ASAH2: variants seen among roughly 807,000 people sequenced by gnomAD.
ASAH2 encodes N-acylsphingosine amidohydrolase 2.
In ASAH2, 58 loss-of-function variants were observed where a neutral mutation model predicts 82.9. That is an observed-to-expected ratio of 0.70 (90% CI 0.57 to 0.87). The LOEUF is 0.87. ASAH2 is among the 40% of genes least tolerant of loss of function. The pLI, the probability that ASAH2 is intolerant of heterozygous loss-of-function variation, is 0.00. For missense variants in ASAH2, 779 were observed against 834.0 expected, an observed-to-expected ratio of 0.93 and a Z score of 0.81; for synonymous variants, 276 against 289.7, an observed-to-expected ratio of 0.95 and a Z score of 0.48.
chr10:50,218,669 C>T (rs778155351), intron 7 of ASAH2, 39 bp from the exon 8 acceptor site: 11 of 1,613,242 alleles, frequency 6.8e-6, no homozygotes, highest in Admixed American at 3.3e-5. Context: ...ATCAGGAGAA[C>T]GAGAGAACTG....
intron 12 of ASAH2, among the ~76,000 whole-genome samples, chr10:50,208,978 C>G (rs899086767): frequency 6.6e-6 from 1 of 152,102 alleles, no homozygotes. Flanking sequence ...AATTGATCAT[C>G]CAGACATAAA....
At chr10:50,206,957 T>A (rs2133203795) in intron 12 of ASAH2, among the ~76,000 whole-genome samples, 1 of 152,042 alleles carries the variant, frequency 6.6e-6, no homozygotes, top group East Asian at 1.9e-4. Context: ...TCATTAAATT[T>A]TACAAAGTAG....
At chr10:50,237,269 A>G (rs2133227446) in intron 4 of ASAH2, among the ~76,000 whole-genome samples, 1 of 152,272 alleles carries the variant, frequency 6.6e-6, no homozygotes, top group Admixed American at 6.5e-5. Flanking sequence ...ATGCAAGGAC[A>G]CCCTAATAAT....
At chr10:50,225,901 G>A (rs1272485201) in intron 7 of ASAH2, among the ~76,000 whole-genome samples, 2 of 152,160 alleles carry the variant, frequency 1.3e-5, no homozygotes. Flanking sequence ...GACTAGCCTG[G>A]CCAACATGGT....
At chr10:50,201,377 G>GCTACCCT (rs1845143570) in intron 16 of ASAH2, among the ~76,000 whole-genome samples, 4 of 152,018 alleles carry the variant, frequency 2.6e-5, no homozygotes, top group Admixed American at 2.0e-4. Context: ...TGCCCACTTG[G>GCTACCCT]GCTTCTGGAG....
At chr10:50,232,532 G>C (rs1362943462) in intron 7 of ASAH2, among the ~76,000 whole-genome samples, 1 of 152,120 alleles carries the variant, frequency 6.6e-6, no homozygotes, top group African/African-American at 2.4e-5. Context: ...GTCAATTCCT[G>C]AGTCAGGCCA....
In ASAH2 at chr10:50,187,885, A is replaced by ATATG. The variant is rs200932750; in HGVS notation, c.2154-382_2154-381insCATA. ...AGATTCATTTGTTTTCTATATATATATGTGTGTGTGTATATATATATATAT... is the reference window on the plus strand; with the variant it reads ...AGATTCATTTGTTTTCTATATATATATATGTGTGTGTGTGTATATATATATATAT... On this transcript the variant is annotated intron_variant, in intron 20 of 20. Transcript: ENST00000682911. 4.4e-4 allele frequency among the ~76,000 whole-genome samples: 8 copies of ATATG among 18,328 alleles called. 3 individuals carry two copies. The Non-Finnish European group carries it at 0.016, about 37-fold the overall frequency. The allele number at this position is 18,328 out of a possible 152,430, so 12.0% of individuals were successfully genotyped here. A position where few individuals can be genotyped will look rare whatever the true frequency, so the allele number is the denominator to read the frequency against.
chr10:50,235,468 G>A (rs1589351845), intron 5 of ASAH2, among the ~76,000 whole-genome samples: 1 of 152,004 alleles, frequency 6.6e-6, no homozygotes, highest in Non-Finnish European at 1.5e-5. Flanking sequence ...GAAAAATTGG[G>A]ATGTGTGTTT....
chr10:50,217,776 A>G (rs1385601498), intron 8 of ASAH2, among the ~76,000 whole-genome samples: 2 of 152,210 alleles, frequency 1.3e-5, no homozygotes, highest in African/African-American at 4.8e-5. Context: ...TAATATCTTT[A>G]TAAGGGAATA....
intron 14 of ASAH2, among the ~76,000 whole-genome samples, chr10:50,203,902 G>A (rs1477324836): frequency 2.0e-5 from 3 of 151,946 alleles, no homozygotes; most frequent in Non-Finnish European, 4.4e-5. Flanking sequence ...CTAAAAGAAG[G>A]AAACAGAATC....
At chr10:50,204,339 G>A (rs1845237591) in intron 14 of ASAH2, among the ~76,000 whole-genome samples, 1 of 151,986 alleles carries the variant, frequency 6.6e-6, no homozygotes, top group African/African-American at 2.4e-5. Flanking sequence ...CTTAGACCAG[G>A]AAGGGAAGTG....
At chr10:50,206,905 A>T (rs1003494711) in intron 12 of ASAH2, among the ~76,000 whole-genome samples, 1 of 152,052 alleles carries the variant, frequency 6.6e-6, no homozygotes, top group East Asian at 1.9e-4. Context: ...TGCACATGAA[A>T]TATTATCTGT....
chr10:50,229,722 A>G (rs1241630449), intron 7 of ASAH2, among the ~76,000 whole-genome samples: 1 of 152,058 alleles, frequency 6.6e-6, no homozygotes, highest in Non-Finnish European at 1.5e-5. Flanking sequence ...ATGCTTCCCC[A>G]TTTGTGTTAA....
At chr10:50,234,633 G>A (rs1846103020) in intron 5 of ASAH2, 81 bp from the exon 6 acceptor site, 1 of 1,591,216 alleles carries the variant, frequency 6.3e-7, no homozygotes, top group Non-Finnish European at 8.6e-7. Flanking sequence ...AAACAGAAGA[G>A]CCCTGTGAAC....
intron 18 of ASAH2, among the ~76,000 whole-genome samples, chr10:50,195,877 A>C (rs2133195154): frequency 6.6e-6 from 1 of 151,922 alleles, no homozygotes; most frequent in Middle Eastern, 3.4e-3. Context: ...GAATGTTGGC[A>C]GAAGGTTAGT....
At chr10:50,250,702 G>T (rs973431415) in intron 1 of ASAH2, among the ~76,000 whole-genome samples, 5 of 152,186 alleles carry the variant, frequency 3.3e-5, no homozygotes, top group Non-Finnish European at 7.3e-5. Context: ...CAGGCAGATT[G>T]TGTATGTAAA....
chr10:50,195,342 A>C (rs1301048389), intron 18 of ASAH2, among the ~76,000 whole-genome samples: 2 of 151,062 alleles, frequency 1.3e-5, no homozygotes, highest in Admixed American at 1.3e-4. Context: ...AACTACAACA[A>C]GATATCACCT....
At position 50,243,371 on chromosome 10, in the gene ASAH2, C is replaced by G; in HGVS notation, c.361-20G>C. Reference sequence around the variant, plus strand: ...GCCCATCTAAAGAGGAAGAGACAATCAGAGCTGCTCTGTCTCATTCCCCTG... The same window carrying G: ...GCCCATCTAAAGAGGAAGAGACAATGAGAGCTGCTCTGTCTCATTCCCCTG... On this transcript the variant is annotated intron_variant, in intron 3 of 20. Transcript: ENST00000682911. The G allele has an allele frequency of 6.2e-7, 1 of 1,612,794 alleles. No homozygotes were observed. The highest frequency in any genetic ancestry group is 1.1e-5 in the South Asian group (1 of 90,848).
chr10:50,212,335 A>G (rs903022544), intron 10 of ASAH2, among the ~76,000 whole-genome samples: 1 of 152,162 alleles, frequency 6.6e-6, no homozygotes, highest in Admixed American at 6.6e-5. Flanking sequence ...CTGAAACAAA[A>G]TATGGGGACA....
Sources: allele counts gnomAD v4.1 joint callset (sites outside exome capture counted in the v4.1 genomes callset), GRCh38; gene constraint gnomAD v4.1.1; transcripts MANE v1.5; gene names NCBI Gene and HGNC (gene_info 2026-07-23, HGNC 2026-07-21).